COL14A1: variants seen among roughly 807,000 people sequenced by gnomAD.
COL14A1 encodes the protein collagen alpha-1(XIV) chain.
COL14A1 carries 136 observed loss-of-function variants against 230.3 expected under a neutral mutation model. The ratio of observed to expected loss-of-function variants is 0.59; its 90% confidence interval spans 0.51 to 0.68. The LOEUF (loss-of-function observed/expected upper bound fraction) is 0.68, where lower values mean the gene tolerates loss of function less well. Ranked by LOEUF, COL14A1 falls within the 30% of genes least tolerant of loss-of-function variation. The pLI is 0.00. For synonymous variants in COL14A1, 792 were observed against 784.1 expected (o/e 1.01, Z -0.17); for missense variants, 1,976 against 2,215.8 (o/e 0.89, Z 2.17).
intron 34 of COL14A1, among the ~76,000 whole-genome samples, chr8:120,293,784 A>C (rs1401654496): frequency 6.6e-6 from 1 of 151,926 alleles, no homozygotes; most frequent in African/African-American, 2.4e-5. Flanking sequence ...TTTGAATTAC[A>C]ACCTTGAGAG....
chr8:120,198,035 C>T, intron 7 of COL14A1, 105 bp downstream of exon 7: 2 of 1,149,498 alleles, frequency 1.7e-6, no homozygotes, highest in Non-Finnish European at 2.5e-6. Context: ...TTTAATTAAA[C>T]TAGCACTTAG....
In COL14A1 at chr8:120,371,800, T is replaced by C. The variant is rs1812165299; in HGVS notation, c.*569T>C. 1 of 390,488 alleles carries C rather than the reference T, an allele frequency of 2.6e-6. No individual in the cohort carries two copies. Among genetic ancestry groups the C allele is most frequent in the African/African-American group, 2.1e-5 (1 of 48,470 alleles). The allele number at this position is 390,488 out of a possible 1,614,324, so 24.2% of individuals were successfully genotyped here. A position where few individuals can be genotyped will look rare whatever the true frequency, so the allele number is the denominator to read the frequency against. On this transcript the variant is annotated 3_prime_UTR_variant, in exon 48 of 48. Coordinates refer to ENST00000297848, the MANE Select transcript of COL14A1 (RefSeq NM_021110.4). ...AAAATCAGCATTTGGATTTAAGCTT[T>C]CTGAATTTGGTAGTTTAAGAAACAG...
At chr8:120,208,852 T>C (rs1817530948) in intron 11 of COL14A1, among the ~76,000 whole-genome samples, 2 of 152,028 alleles carry the variant, frequency 1.3e-5, no homozygotes, top group African/African-American at 4.8e-5. Context: ...CATGACAACA[T>C]ACACACATAA....
intron 5 of COL14A1, among the ~76,000 whole-genome samples, chr8:120,178,229 C>T (rs1466574746): frequency 6.6e-6 from 1 of 152,168 alleles, no homozygotes; most frequent in African/African-American, 2.4e-5. Context: ...CTCCCCTAGC[C>T]TCCCATCCTC....
intron 33 of COL14A1, among the ~76,000 whole-genome samples, chr8:120,287,966 A>AG (rs1442548176): frequency 1.3e-5 from 2 of 152,072 alleles, no homozygotes; most frequent in Non-Finnish European, 2.9e-5. Flanking sequence ...TGGGCACTTA[A>AG]GTGCAACCAA....
intron 17 of COL14A1, among the ~76,000 whole-genome samples, chr8:120,227,649 G>A (rs954487848): frequency 1.3e-5 from 2 of 152,098 alleles, no homozygotes; most frequent in Admixed American, 6.5e-5. Context: ...CCCATCAAAT[G>A]GATGGATGGA....
At chr8:120,332,496 A>G (rs753503286) in intron 41 of COL14A1, among the ~76,000 whole-genome samples, 168 bp from the exon 42 acceptor site, 7 of 152,234 alleles carry the variant, frequency 4.6e-5, no homozygotes, top group Admixed American at 1.3e-4. Context: ...GAGACTAAAA[A>G]AAAGTCTTCC....
chr8:120,182,132 T>G (rs1225818461), intron 5 of COL14A1, among the ~76,000 whole-genome samples: 1 of 152,244 alleles, frequency 6.6e-6, no homozygotes, highest in Non-Finnish European at 1.5e-5. Context: ...TCTCAACTTG[T>G]GAATTCTCCA....
intron 44 of COL14A1, among the ~76,000 whole-genome samples, chr8:120,343,122 A>G (rs1188907503): frequency 6.6e-6 from 1 of 152,170 alleles, no homozygotes; most frequent in African/African-American, 2.4e-5. Flanking sequence ...ATTTGCTTAG[A>G]TCCCACCACT....
chr8:120,131,838 C>CTTTTTTTTTTTT (rs1172286717), intron 1 of COL14A1, among the ~76,000 whole-genome samples: 1 of 68,952 alleles, frequency 1.5e-5, no homozygotes, highest in African/African-American at 5.7e-5. Flanking sequence ...TTCTTCCTTT[C>CTTTTTTTTTTTT]TTTTTTTTTT....
intron 5 of COL14A1, among the ~76,000 whole-genome samples, chr8:120,195,488 C>T (rs547592218): frequency 5.9e-5 from 9 of 152,104 alleles, no homozygotes; most frequent in East Asian, 1.9e-4. Flanking sequence ...AGCAATGTTG[C>T]GATCGGTACT....
chr8:120,228,941 C>T (rs1319847726), intron 18 of COL14A1, among the ~76,000 whole-genome samples, 172 bp downstream of exon 18: 2 of 152,010 alleles, frequency 1.3e-5, no homozygotes, highest in African/African-American at 2.4e-5. Context: ...CCTTCCTTGC[C>T]ACTAAATGCC....
intron 16 of COL14A1, among the ~76,000 whole-genome samples, 197 bp downstream of exon 16, chr8:120,226,963 A>G (rs1332452659): frequency 2.0e-5 from 3 of 152,162 alleles, no homozygotes; most frequent in Non-Finnish European, 4.4e-5. Flanking sequence ...CTTTAGTTAT[A>G]TATTTATATA....
chr8:120,359,267 C>T (rs1007355597), intron 45 of COL14A1, among the ~76,000 whole-genome samples: 18 of 151,884 alleles, frequency 1.2e-4, no homozygotes, highest in African/African-American at 4.1e-4. Flanking sequence ...TGATGTTCCC[C>T]TCCGTGTTTC....
At chr8:120,243,515 G>A (rs1310469065) in intron 19 of COL14A1, among the ~76,000 whole-genome samples, 1 of 152,162 alleles carries the variant, frequency 6.6e-6, no homozygotes, top group African/African-American at 2.4e-5. Flanking sequence ...AATAAAAAAT[G>A]ATAAGCAGCA....
intron 40 of COL14A1, among the ~76,000 whole-genome samples, chr8:120,320,366 T>C (rs940663007): frequency 1.3e-5 from 2 of 152,174 alleles, no homozygotes; most frequent in African/African-American, 4.8e-5. Flanking sequence ...CAAAAATTCT[T>C]TTTTTAAAAG....
intron 25 of COL14A1, among the ~76,000 whole-genome samples, chr8:120,268,784 T>G (rs1246815790): frequency 6.6e-6 from 1 of 151,786 alleles, no homozygotes; most frequent in Non-Finnish European, 1.5e-5. Context: ...TTTCTTTCTT[T>G]GATTTACTAA....
intron 26 of COL14A1, chr8:120,277,873 A>C: frequency 4.2e-6 from 1 of 238,140 alleles, no homozygotes; most frequent in East Asian, 8.4e-5. Context: ...CCGTTTACCC[A>C]TGTAACAAAC....
At chr8:120,171,714 C>A (rs1002504077) in intron 5 of COL14A1, among the ~76,000 whole-genome samples, 2 of 152,112 alleles carry the variant, frequency 1.3e-5, no homozygotes, top group African/African-American at 4.8e-5. Flanking sequence ...CTTTGTGCTT[C>A]CAGATTTCAG....
Sources: gnomAD v4.1 joint callset for allele counts (sites outside exome capture counted in the v4.1 genomes callset) on GRCh38, gnomAD v4.1.1 for gene constraint, MANE v1.5 for transcripts, NCBI Gene and HGNC (gene_info 2026-07-23, HGNC 2026-07-21) for gene names.